DACH1: variants seen among roughly 807,000 people sequenced by gnomAD.
The protein encoded by DACH1 is dachshund family transcription factor 1, also known as dachshund homolog 1.
In DACH1, 12 loss-of-function variants were observed where a neutral mutation model predicts 54.2. That is an observed-to-expected ratio of 0.22 (90% CI 0.14 to 0.36). DACH1 has a LOEUF of 0.36. DACH1 is among the 10% of genes least tolerant of loss of function. The probability of loss-of-function intolerance (pLI) is 1.00; values close to 1 mark genes in which losing one functional copy is unlikely to be tolerated. For synonymous variants in DACH1, 386 were observed against 366.2 expected (o/e 1.05, Z -0.62); for missense variants, 805 against 929.8 (o/e 0.87, Z 1.75).
chr13:71,555,794 G>A (rs1316151236), intron 6 of DACH1, among the ~76,000 whole-genome samples: 1 of 152,064 alleles, frequency 6.6e-6, no homozygotes, highest in African/African-American at 2.4e-5. Flanking sequence ...AAAATTTAGA[G>A]ACCATCTGAC....
At chr13:71,598,318 A>C (rs1031589940) in intron 3 of DACH1, among the ~76,000 whole-genome samples, 1 of 152,022 alleles carries the variant, frequency 6.6e-6, no homozygotes, top group Non-Finnish European at 1.5e-5. Flanking sequence ...GCAGTGGCGC[A>C]ATCTCAGCTC....
rs1877033246 is a variant in DACH1, at chr13:71,630,708, G to A, written c.974C>T (p.Ala325Val). 1 of 1,582,672 alleles carries A rather than the reference G, an allele frequency of 6.3e-7. No homozygotes were observed. The highest frequency in any genetic ancestry group is 8.5e-7 in the Non-Finnish European group (1 of 1,171,644). ...PGIIPPTGLT[A>V]AAAAAAAATN... is the part of the protein sequence containing the mutation. Reference sequence around the variant, plus strand: ...AGCAGCAGCAGCTGCTGCAGCGGCTGCTGTCAGACCTTAAAAGAATAAATT... The same window carrying A: ...AGCAGCAGCAGCTGCTGCAGCGGCTACTGTCAGACCTTAAAAGAATAAATT... The change falls in exon 3 of 11, where the codon GCA becomes GTA. Residue 325 changes from alanine (A) to valine (V), a missense_variant. Ala to Val is a moderately conservative substitution (Grantham distance 64). This residue lies in a region of DACH1 where 472 missense variants were observed against 545.3 expected (regional missense o/e 0.87). Coordinates refer to ENST00000613252, the MANE Select transcript of DACH1 (RefSeq NM_080759.6).
chr13:71,521,120 T>G (rs981077152), intron 6 of DACH1, among the ~76,000 whole-genome samples: 1 of 152,026 alleles, frequency 6.6e-6, no homozygotes, highest in African/African-American at 2.4e-5. Flanking sequence ...CCACATGACC[T>G]TGGACTCTGT....
intron 1 of DACH1, among the ~76,000 whole-genome samples, chr13:71,807,589 T>G (rs1000126954): frequency 6.6e-6 from 1 of 152,144 alleles, no homozygotes; most frequent in African/African-American, 2.4e-5. Flanking sequence ...AAAAACAAAT[T>G]AAGTTTTTAT....
At chr13:71,842,913 G>C (rs577502496) in intron 1 of DACH1, among the ~76,000 whole-genome samples, 73 of 152,252 alleles carry the variant, frequency 4.8e-4, no homozygotes, top group African/African-American at 1.8e-3. Flanking sequence ...CAAGGTGAAT[G>C]CTCAGATGAG....
At chr13:71,645,094 T>C (rs888454194) in intron 2 of DACH1, among the ~76,000 whole-genome samples, 21 of 152,342 alleles carry the variant, frequency 1.4e-4, no homozygotes, top group African/African-American at 5.1e-4. Context: ...TTGGTTTTCA[T>C]TAAATTAGTA....
intron 1 of DACH1, among the ~76,000 whole-genome samples, chr13:71,809,931 G>A (rs1483532490): frequency 6.6e-6 from 1 of 152,184 alleles, no homozygotes; most frequent in Non-Finnish European, 1.5e-5. Flanking sequence ...ATTGAGACAG[G>A]TGTGGTGAAT....
At chr13:71,542,244 G>A (rs1426972544) in intron 6 of DACH1, among the ~76,000 whole-genome samples, 2 of 151,700 alleles carry the variant, frequency 1.3e-5, no homozygotes, top group African/African-American at 4.8e-5. Flanking sequence ...GCGAAACTCC[G>A]TCTCAAATAA....
At chr13:71,829,819 T>C (rs1285400240) in intron 1 of DACH1, among the ~76,000 whole-genome samples, 1 of 151,942 alleles carries the variant, frequency 6.6e-6, no homozygotes, top group Non-Finnish European at 1.5e-5. Flanking sequence ...CTAACAAAAA[T>C]ACATGTTGGC....
intron 2 of DACH1, among the ~76,000 whole-genome samples, chr13:71,650,471 A>C (rs1464498665): frequency 6.6e-6 from 1 of 152,212 alleles, no homozygotes; most frequent in East Asian, 1.9e-4. Flanking sequence ...ACTGAATAAA[A>C]GTTAAAATAT....
At chr13:71,787,565 T>C (rs1462370979) in intron 1 of DACH1, among the ~76,000 whole-genome samples, 3 of 152,154 alleles carry the variant, frequency 2.0e-5, no homozygotes, top group Non-Finnish European at 4.4e-5. Context: ...ATTGGAGAGA[T>C]GTAGCCTCGC....
intron 1 of DACH1, among the ~76,000 whole-genome samples, chr13:71,697,542 A>G (rs947492534): frequency 6.6e-6 from 1 of 152,248 alleles, no homozygotes; most frequent in Non-Finnish European, 1.5e-5. Flanking sequence ...ATAGCAATCT[A>G]TAGAGCTTGA....
chr13:71,699,677 T>C (rs541607931), intron 1 of DACH1, among the ~76,000 whole-genome samples: 9 of 152,206 alleles, frequency 5.9e-5, no homozygotes, highest in Non-Finnish European at 8.8e-5. Flanking sequence ...TGTTATTGCA[T>C]CAATCCAAAT....
At chr13:71,792,828 T>C (rs756822916) in intron 1 of DACH1, among the ~76,000 whole-genome samples, 2 of 152,134 alleles carry the variant, frequency 1.3e-5, no homozygotes, top group Admixed American at 6.5e-5. Context: ...ATATTAGTAA[T>C]TGGTCACTAG....
intron 3 of DACH1, among the ~76,000 whole-genome samples, chr13:71,599,505 G>A (rs897073063): frequency 6.6e-6 from 1 of 152,092 alleles, no homozygotes; most frequent in African/African-American, 2.4e-5. Flanking sequence ...GCCATCTTCA[G>A]GGTTTTAAGA....
intron 2 of DACH1, chr13:71,674,973 G>A (rs1880460987): frequency 2.8e-6 from 2 of 708,132 alleles, no homozygotes; most frequent in Non-Finnish European, 5.1e-6. Context: ...AGCCGCCACC[G>A]CGCTGCCGTC....
At position 71,648,373 on chromosome 13, in the gene DACH1, C is replaced by T. The variant is rs548808442; in HGVS notation, c.965-17656G>A. On this transcript the variant is annotated intron_variant, in intron 2 of 10. Transcript: ENST00000613252. ...CAGACCAGTTTAGAAAAACATGATACAGCAACTGCAGAGCTCAAGAGAGGC... is the reference window on the plus strand; with the variant it reads ...CAGACCAGTTTAGAAAAACATGATATAGCAACTGCAGAGCTCAAGAGAGGC... Among the ~76,000 whole-genome samples the T allele has an allele frequency of 1.2e-4, 19 of 152,086 alleles. 1 individual carries two copies. The South Asian group carries it at 3.5e-3, about 28-fold the overall frequency.
intron 1 of DACH1, among the ~76,000 whole-genome samples, chr13:71,834,193 G>A (rs1184251256): frequency 6.6e-6 from 1 of 151,984 alleles, no homozygotes. Flanking sequence ...GCACTTCTCA[G>A]TAATCTCTTT....
intron 3 of DACH1, among the ~76,000 whole-genome samples, chr13:71,586,357 G>T (rs1053731855): frequency 3.3e-5 from 5 of 152,042 alleles, no homozygotes; most frequent in Non-Finnish European, 7.4e-5. Context: ...ATGTAACAAG[G>T]TTGCTTCAAT....
Sources: allele counts gnomAD v4.1 joint callset (sites outside exome capture counted in the v4.1 genomes callset), GRCh38; gene constraint gnomAD v4.1.1; regional missense constraint gnomAD v4.1.1; transcripts MANE v1.5; gene names NCBI Gene and HGNC (gene_info 2026-07-23, HGNC 2026-07-21).